Variants in PCDHA9 observed in about 807,000 individuals in gnomAD.
PCDHA9 encodes protocadherin alpha 9.
Under a neutral mutation model 62.0 loss-of-function variants are expected in PCDHA9, and 62 were observed. The ratio of observed to expected loss-of-function variants is 1.00; its 90% CI spans 0.81 to 1.23. The LOEUF is 1.23. Ranked by LOEUF, PCDHA9 falls within the 50% of genes most tolerant of loss-of-function variation. PCDHA9 has a pLI of 0.00. For missense variants in PCDHA9, 1,205 were observed against 1,249.8 expected (o/e 0.96, Z 0.54); for synonymous variants, 557 against 567.6 (o/e 0.98, Z 0.27).
rs149287754 is a variant in PCDHA9, at chr5:140,962,549, G to T, written c.2395-16400G>T. Reference sequence around the variant, plus strand: ...GTTTTTTAGAACTAAAAATGTAGAGGATCTCCCCCTAAAAGCCAATTGTTA... The same window carrying T: ...GTTTTTTAGAACTAAAAATGTAGAGTATCTCCCCCTAAAAGCCAATTGTTA... On this transcript the variant is annotated intron_variant, in intron 1 of 3. Coordinates refer to ENST00000532602, the MANE Select transcript of PCDHA9 (RefSeq NM_031857.2). 1.3e-3 allele frequency among the ~76,000 whole-genome samples: 202 copies of T among 152,208 alleles called. 3 individuals carry two copies. The highest frequency in any genetic ancestry group is 4.3e-4 in the Non-Finnish European group (29 of 68,014).
intron 1 of PCDHA9, among the ~76,000 whole-genome samples, chr5:140,920,075 G>T (rs190821804): frequency 6.6e-6 from 1 of 152,316 alleles, no homozygotes; most frequent in Admixed American, 6.5e-5. Flanking sequence ...GGCAGAAACA[G>T]ATTCTCCGTA....
chr5:140,933,159 A>G (rs565076666), intron 1 of PCDHA9, among the ~76,000 whole-genome samples: 67 of 152,098 alleles, frequency 4.4e-4, no homozygotes, highest in African/African-American at 1.3e-3. Flanking sequence ...TTTGTTCCCA[A>G]TTTTAATTGA....
At chr5:140,977,107 T>C (rs1419522797) in intron 1 of PCDHA9, among the ~76,000 whole-genome samples, 2 of 152,166 alleles carry the variant, frequency 1.3e-5, no homozygotes, top group Non-Finnish European at 2.9e-5. Flanking sequence ...GGAAGTGAGA[T>C]TGTATAATGA....
At position 140,884,483 on chromosome 5, in the gene PCDHA9, C is replaced by G. The variant is rs376374275; in HGVS notation, c.2394+33594C>G. The G allele has an allele frequency of 3.7e-6, 6 of 1,613,980 alleles. 1 individual carries two copies. In the South Asian group the frequency reaches 5.5e-5, roughly 15 times the overall value. On this transcript the variant is annotated intron_variant, in intron 1 of 3. Coordinates refer to ENST00000532602, the MANE Select transcript of PCDHA9 (RefSeq NM_031857.2). The stretch of plus-strand genomic sequence containing the variant: ...CGCGTGCGCGCCGGGCAAGCCCACT[C>G]TAGTGTGCTCCAGCGCGGCAGGGAG...
chr5:140,951,683 A>G (rs1389313679), intron 1 of PCDHA9, among the ~76,000 whole-genome samples: 1 of 152,160 alleles, frequency 6.6e-6, no homozygotes, highest in Non-Finnish European at 1.5e-5. Flanking sequence ...TGGGGATTAC[A>G]ATGTGACATG....
intron 1 of PCDHA9, chr5:140,863,299 G>T (rs868935823): frequency 1.4e-6 from 2 of 1,462,780 alleles, no homozygotes; most frequent in Non-Finnish European, 9.3e-7. Flanking sequence ...CCTGATCATC[G>T]CCATCTGCGT....
chr5:140,978,834 C>A (rs1294349430), intron 1 of PCDHA9, 115 bp from the exon 2 acceptor site: 3 of 1,546,580 alleles, frequency 1.9e-6, no homozygotes, highest in Non-Finnish European at 2.6e-6. Context: ...ATGGCTCATT[C>A]AATACTTTTT....
intron 3 of PCDHA9, among the ~76,000 whole-genome samples, chr5:140,997,706 A>G (rs1387378770): frequency 3.3e-5 from 5 of 151,686 alleles, no homozygotes; most frequent in African/African-American, 1.2e-4. Flanking sequence ...GTATGTTAAC[A>G]AACACCTTTC....
intron 2 of PCDHA9, among the ~76,000 whole-genome samples, chr5:140,979,642 A>G (rs1364696351): frequency 2.0e-5 from 3 of 152,188 alleles, no homozygotes; most frequent in South Asian, 2.1e-4. Flanking sequence ...ATTAAATATA[A>G]TTTTGCTTTC....
chr5:140,870,055 G>A (rs868919509), intron 1 of PCDHA9: 6 of 1,613,774 alleles, frequency 3.7e-6, no homozygotes, highest in Non-Finnish European at 5.1e-6. Context: ...TTATAAAATT[G>A]AAGTACAGGC....
At chr5:140,877,284 C>T (rs1318334277) in intron 1 of PCDHA9, 3 of 1,613,900 alleles carry the variant, frequency 1.9e-6, no homozygotes, top group Non-Finnish European at 2.5e-6. Context: ...CCGGCTATAA[C>T]GCTTGGCTGT....
chr5:140,984,325 G>C (rs2097097043), intron 3 of PCDHA9, among the ~76,000 whole-genome samples: 1 of 152,168 alleles, frequency 6.6e-6, no homozygotes, highest in Admixed American at 6.5e-5. Flanking sequence ...CTAGGCAAAT[G>C]TGGAATAGGA....
At chr5:140,854,020 G>A (rs1303462522) in intron 1 of PCDHA9, 3 of 327,902 alleles carry the variant, frequency 9.1e-6, no homozygotes, top group East Asian at 1.7e-4. Context: ...AAATTAGCCG[G>A]GCATGGTGGC....
intron 1 of PCDHA9, among the ~76,000 whole-genome samples, chr5:140,943,257 CAAAAAAAAAAA>C (rs1238620023): frequency 1.3e-5 from 1 of 77,574 alleles, no homozygotes. Flanking sequence ...GACTCTGTCT[CAAAAAAAAAAA>C]AAAAAAAAAG....
chr5:140,875,873 G>C (rs1554168013), intron 1 of PCDHA9: 2 of 1,614,214 alleles, frequency 1.2e-6, no homozygotes, highest in South Asian at 1.1e-5. Context: ...CCGGTGTTCA[G>C]AGAAAGGGAA....
chr5:140,858,566 G>A (rs2045486949), intron 1 of PCDHA9: 1 of 1,375,796 alleles, frequency 7.3e-7, no homozygotes, highest in African/African-American at 1.4e-5. Context: ...TATTTCTAGT[G>A]ATACCTTTGT....
chr5:140,973,850 T>G (rs767532771), intron 1 of PCDHA9, among the ~76,000 whole-genome samples: 25 of 152,176 alleles, frequency 1.6e-4, no homozygotes, highest in Admixed American at 5.2e-4. Flanking sequence ...TGCCTACCAA[T>G]TTTTGCTCTC....
intron 1 of PCDHA9, chr5:140,871,289 G>T (rs955449203): frequency 6.2e-7 from 1 of 1,613,910 alleles, no homozygotes; most frequent in Non-Finnish European, 8.5e-7. Flanking sequence ...CCCACTGAGG[G>T]CGCGTGCGCG....
chr5:140,850,984 T>G (rs2150504982), intron 1 of PCDHA9, 95 bp downstream of exon 1: 15 of 1,451,674 alleles, frequency 1.0e-5, no homozygotes, highest in Non-Finnish European at 1.3e-5. Flanking sequence ...GTTTTATTCA[T>G]TTTTCTAGAA....
Sources: allele counts gnomAD v4.1 joint callset (sites outside exome capture counted in the v4.1 genomes callset), GRCh38; gene constraint gnomAD v4.1.1; transcripts MANE v1.5; gene names NCBI Gene and HGNC (gene_info 2026-07-23, HGNC 2026-07-21).